The following DNAI2 variants were observed in gnomAD, a reference collection of about 807,000 sequenced individuals.
DNAI2 encodes the protein dynein axonemal intermediate chain 2, also known as dynein, axonemal, intermediate polypeptide 2.
In DNAI2, 63 loss-of-function variants were observed where a neutral mutation model predicts 74.7. The observed-to-expected ratio is 0.84, with a 90% CI of 0.69 to 1.04. The LOEUF (loss-of-function observed/expected upper bound fraction) is 1.04, where lower values mean the gene tolerates loss of function less well. Among genes scored for constraint, DNAI2 ranks in the 50% least tolerant of loss-of-function variants. The pLI, the probability that DNAI2 is intolerant of heterozygous loss-of-function variation, is 0.00. For missense variants in DNAI2, 688 were observed against 803.2 expected (o/e 0.86, Z 1.73); for synonymous variants, 289 against 314.9 (o/e 0.92, Z 0.87).
intron 1 of DNAI2, chr17:74,281,572 C>T (rs1197576042): frequency 1.5e-5 from 9 of 589,428 alleles, no homozygotes; most frequent in Non-Finnish European, 2.7e-5. Flanking sequence ...TTTTTATTGC[C>T]CTCCTCAGAG....
At chr17:74,292,806 A>G (rs1478198087) in intron 6 of DNAI2, among the ~76,000 whole-genome samples, 1 of 149,404 alleles carries the variant, frequency 6.7e-6, no homozygotes, top group African/African-American at 2.5e-5. Flanking sequence ...AGAAGACTAT[A>G]TTCTGCTTAT....
intron 11 of DNAI2, 76 bp downstream of exon 11, chr17:74,310,239 C>A: frequency 6.5e-7 from 1 of 1,545,908 alleles, no homozygotes; most frequent in Non-Finnish European, 8.7e-7. Flanking sequence ...GCTAGTCAGA[C>A]AAATAGATGG....
rs2050928757 is a variant in DNAI2, at chr17:74,274,247, C to CA, written c.-108dup. 1 of 151,614 alleles carries CA rather than the reference C, an allele frequency of 6.6e-6. No individual in the cohort carries two copies. The highest frequency in any genetic ancestry group is 2.4e-5 in the African/African-American group (1 of 41,412). The allele number at this position is 151,614 out of a possible 1,614,324, so 9.4% of individuals were successfully genotyped here. A position where few individuals can be genotyped will look rare whatever the true frequency, so the allele number is the denominator to read the frequency against. The stretch of plus-strand genomic sequence containing the variant: ...GCGTCCGGAGCCAGGCCGGGGTTGC[C>CA]AAGCAACCGGTAAACGCCGCCGTTT... On this transcript the variant is annotated 5_prime_UTR_variant, in exon 1 of 14. Transcript: ENST00000311014.
At chr17:74,294,960 G>T (rs1423524195) in intron 6 of DNAI2, among the ~76,000 whole-genome samples, 1 of 151,828 alleles carries the variant, frequency 6.6e-6, no homozygotes, top group Non-Finnish European at 1.5e-5. Context: ...CTATTCCTCA[G>T]ACTACATAAT....
intron 8 of DNAI2, 40 bp downstream of exon 8, chr17:74,301,208 C>T: frequency 1.2e-6 from 2 of 1,610,724 alleles, no homozygotes; most frequent in South Asian, 1.1e-5. Flanking sequence ...CTTGCATTGA[C>T]AGGGCAGCCA....
At chr17:74,286,789 T>G (rs552790763) in intron 3 of DNAI2, among the ~76,000 whole-genome samples, 188 bp from the exon 4 acceptor site, 7 of 152,252 alleles carry the variant, frequency 4.6e-5, no homozygotes, top group Admixed American at 2.6e-4. Flanking sequence ...TTTCCATGCT[T>G]TGTACCTAAA....
At chr17:74,291,697 A>G (rs2052111044) in intron 6 of DNAI2, among the ~76,000 whole-genome samples, 1 of 152,200 alleles carries the variant, frequency 6.6e-6, no homozygotes, top group Admixed American at 6.5e-5. Flanking sequence ...AAGTAAAATC[A>G]GAGAATATTT....
At chr17:74,275,401 C>T (rs1225886307) in intron 1 of DNAI2, among the ~76,000 whole-genome samples, 4 of 151,970 alleles carry the variant, frequency 2.6e-5, no homozygotes, top group South Asian at 2.1e-4. Context: ...CTCAGGACCC[C>T]GGAATTCCAG....
Position 74,285,217 on chromosome 17 carries a change from G to A in DNAI2, c.345+16G>A. On this transcript the variant is annotated intron_variant, in intron 3 of 13. Transcript: ENST00000311014. ...GCTCGGCTCTGTAAGGCTTCCTCCT[G>A]CCCCAGCTGCAAGAGCCCCATCCAT... is the stretch of plus-strand genomic sequence containing the variant. 6.2e-7 allele frequency: 1 copy of A among 1,612,800 alleles called. No homozygotes were observed. The highest frequency in any genetic ancestry group is 8.5e-7 in the Non-Finnish European group (1 of 1,179,368).
At chr17:74,280,254 C>T (rs1327512945) in intron 1 of DNAI2, among the ~76,000 whole-genome samples, 1 of 152,170 alleles carries the variant, frequency 6.6e-6, no homozygotes, top group Non-Finnish European at 1.5e-5. Context: ...CCTTGCGTGG[C>T]CTGTGAACCC....
In DNAI2 at chr17:74,305,341, C is replaced by G; in HGVS notation, c.1110C>G (p.Leu370=). ...GCCATCATGGCCCCATCTACGCCCTCCAGAGAAACCCCTTCTACCCGAAGA... is the reference window on the plus strand; with the variant it reads ...GCCATCATGGCCCCATCTACGCCCTGCAGAGAAACCCCTTCTACCCGAAGA... ...FPGHHGPIYA[L]QRNPFYPKNF... Residue 370 remains leucine, a synonymous_variant, in exon 9 of 14, where the codon CTC becomes CTG. Coordinates refer to ENST00000311014, the MANE Select transcript of DNAI2 (RefSeq NM_023036.6). 1 of 1,614,204 alleles carries G rather than the reference C, an allele frequency of 6.2e-7. No homozygotes were observed. Among genetic ancestry groups the G allele is most frequent in the South Asian group, 1.1e-5 (1 of 91,088 alleles).
At position 74,308,048 on chromosome 17, in the gene DNAI2, T is replaced by C. The variant is rs1272339667; in HGVS notation, c.1212-1205T>C. Among the ~76,000 whole-genome samples, 11 of 152,268 alleles carry C rather than the reference T, an allele frequency of 7.2e-5. No homozygotes were observed. The East Asian group carries it at 2.1e-3, about 29-fold the overall frequency. ...CCTGACCTCAGGTGATCCACCATTC[T>C]CGGCCTCCCAAAGTCCTGGGATGAC... On this transcript the variant is annotated intron_variant, in intron 9 of 13. Transcript: ENST00000311014.
chr17:74,295,276 C>T (rs1219355579), intron 6 of DNAI2, among the ~76,000 whole-genome samples: 1 of 146,822 alleles, frequency 6.8e-6, no homozygotes, highest in Non-Finnish European at 1.5e-5. Context: ...GTGGAGTGCA[C>T]CTGCAATCTC....
At chr17:74,279,353 A>G (rs2051266614) in intron 1 of DNAI2, among the ~76,000 whole-genome samples, 1 of 152,180 alleles carries the variant, frequency 6.6e-6, no homozygotes, top group Admixed American at 6.5e-5. Flanking sequence ...TTGTAACACA[A>G]AGGATAAATG....
At chr17:74,304,186 CTTTTTTTTTT>C (rs56696514) in intron 8 of DNAI2, among the ~76,000 whole-genome samples, 5 of 67,632 alleles carry the variant, frequency 7.4e-5, no homozygotes, top group African/African-American at 2.9e-4. Context: ...TTTCTTTTTT[CTTTTTTTTTT>C]TTTTTTTTTT....
intron 2 of DNAI2, among the ~76,000 whole-genome samples, chr17:74,284,211 G>A (rs1398774046): frequency 7.5e-5 from 10 of 132,714 alleles, no homozygotes; most frequent in African/African-American, 2.8e-4. Context: ...CAGAGTGAGA[G>A]ACCCTCTCTT....
At chr17:74,284,971 T>C (rs925803005) in intron 2 of DNAI2, 69 bp from the exon 3 acceptor site, 81 of 1,607,620 alleles carry the variant, frequency 5.0e-5, no homozygotes, top group Non-Finnish European at 6.5e-5. Flanking sequence ...GGGACCTGGC[T>C]TGCAGAAGTG....
chr17:74,281,970 C>T lies in DNAI2; in HGVS notation c.153C>T (p.Ile51=). 6.2e-7 allele frequency: 1 copy of T among 1,614,148 alleles called. No homozygotes were observed. Among genetic ancestry groups the T allele is most frequent in the Non-Finnish European group, 8.5e-7 (1 of 1,180,026 alleles). Residue 51 remains isoleucine, a synonymous_variant, in exon 2 of 14, where the codon ATC becomes ATT. Coordinates refer to ENST00000311014, the MANE Select transcript of DNAI2 (RefSeq NM_023036.6). ...AGCGGAACCCAGTGGACACGGGCAT[C>T]CAGTGCTCGATCAGCATGTCGGAAC... is the stretch of plus-strand genomic sequence containing the variant. ...FVERNPVDTG[I]QCSISMSEHE... is the part of the protein sequence containing the mutation.
intron 8 of DNAI2, among the ~76,000 whole-genome samples, chr17:74,301,462 T>TG (rs1268849478): frequency 6.6e-6 from 1 of 152,144 alleles, no homozygotes; most frequent in African/African-American, 2.4e-5. Flanking sequence ...AGAAAAGCCC[T>TG]GTTTTGTGGG....
Sources: gnomAD v4.1 joint callset for allele counts (sites outside exome capture counted in the v4.1 genomes callset) on GRCh38, gnomAD v4.1.1 for gene constraint, MANE v1.5 for transcripts, NCBI Gene and HGNC (gene_info 2026-07-23, HGNC 2026-07-21) for gene names.